Variants in C4orf50 observed in about 807,000 individuals in gnomAD.
C4orf50 encodes the protein chromosome 4 open reading frame 50, also known as uncharacterized protein C4orf50.
A neutral mutation model predicts 77.2 loss-of-function variants in C4orf50; 80 were observed. The ratio of observed to expected loss-of-function variants is 1.04; its 90% CI spans 0.87 to 1.25. The LOEUF is 1.25. Ranked by LOEUF, C4orf50 falls within the 50% of genes most tolerant of loss-of-function variation. The pLI is 0.00. For missense variants in C4orf50, 1,257 were observed against 1,152.9 expected (o/e 1.09, Z -1.31); for synonymous variants, 532 against 465.3 (o/e 1.14, Z -1.84).
intron 7 of C4orf50, among the ~76,000 whole-genome samples, chr4:5,936,547 GGC>G (rs1718022901): frequency 7.4e-6 from 1 of 135,014 alleles, no homozygotes; most frequent in African/African-American, 2.8e-5. Flanking sequence ...GGGCAACAAT[GGC>G]AAGACGCCAT....
At chr4:5,993,979 G>A (rs1721436942) in intron 26 of C4orf50, among the ~76,000 whole-genome samples, 2 of 152,174 alleles carry the variant, frequency 1.3e-5, no homozygotes, top group African/African-American at 4.8e-5. Context: ...GTGTCACCTG[G>A]GAAGTGGGGG....
intron 30 of C4orf50, among the ~76,000 whole-genome samples, chr4:5,974,547 G>C: frequency 6.6e-6 from 1 of 152,170 alleles, no homozygotes; most frequent in East Asian, 1.9e-4. Flanking sequence ...ACGACACTGA[G>C]GCCCCAGAGG....
At chr4:5,906,761 G>A (rs947787401) in intron 7 of C4orf50, among the ~76,000 whole-genome samples, 4 of 152,184 alleles carry the variant, frequency 2.6e-5, no homozygotes, top group African/African-American at 9.7e-5. Flanking sequence ...GTTCGTGTAG[G>A]TGTCTTTAGT....
At chr4:5,988,748 C>G (rs1201921047) in exon 28 of C4orf50, 2 of 1,536,136 alleles carry the variant, frequency 1.3e-6, no homozygotes, top group Non-Finnish European at 8.7e-7. Context: ...ACTTCCCTCT[C>G]CAGGACATGG....
chr4:6,001,692 C>A (rs1721835195), intron 25 of C4orf50, among the ~76,000 whole-genome samples: 1 of 152,220 alleles, frequency 6.6e-6, no homozygotes. Context: ...TAAATATTCA[C>A]CCAGCACCTC....
At chr4:5,955,967 G>A (rs190210535), downstream of C4orf50, among the ~76,000 whole-genome samples, 467 of 152,284 alleles carry the variant, frequency 3.1e-3, 6 homozygotes, top group African/African-American at 0.011. This position sits in a 1 kb window ranked among gnomAD's most constrained non-coding sequence, Gnocchi z 5.1. Context: ...GCGAGGAGTG[G>A]AGTTTGGCCA....
At position 5,919,838 on chromosome 4, in the gene C4orf50, G is replaced by T. The variant is rs1717186382; in HGVS notation, c.*2475-21650C>A. Among the ~76,000 whole-genome samples the T allele has an allele frequency of 6.6e-6, 1 of 152,180 alleles. No individual in the cohort carries two copies. Among genetic ancestry groups the T allele is most frequent in the South Asian group, 2.1e-4 (1 of 4,830 alleles). On this transcript the variant is annotated intron_variant, in intron 7 of 7. Coordinates refer to the C4orf50 transcript ENST00000324058. The surrounding 1 kb of genome is among the most constrained non-coding windows in gnomAD (Gnocchi z 6.5). ...CACCAGAATCAACTCTGAAATAGGG[G>T]TTTCTTCGGGCACAGGTGGCCCTCC... is the stretch of plus-strand genomic sequence containing the variant.
rs528656744 is a variant in C4orf50 at position 6,000,856 on chromosome 4, G to A, written c.964-6380C>T. On this transcript the variant is annotated intron_variant, in intron 25 of 33. Coordinates refer to ENST00000531445, the Ensembl canonical transcript of C4orf50. This position sits in a 1 kb window ranked among gnomAD's most constrained non-coding sequence, Gnocchi z 6.0. Reference sequence around the variant, plus strand: ...CAAATCCTGGTCCCACCATATTACCGTCTGAATTTTCATGTCCCCCCAAAA... The same window carrying A: ...CAAATCCTGGTCCCACCATATTACCATCTGAATTTTCATGTCCCCCCAAAA... 3.9e-5 allele frequency among the ~76,000 whole-genome samples: 6 copies of A among 152,238 alleles called. No homozygotes were observed. Among genetic ancestry groups the A allele is most frequent in the South Asian group, 4.2e-4 (2 of 4,810 alleles).
intron 28 of C4orf50, among the ~76,000 whole-genome samples, chr4:5,982,234 C>G (rs1394840133): frequency 1.3e-5 from 2 of 151,990 alleles, no homozygotes; most frequent in African/African-American, 4.8e-5. Flanking sequence ...TGACTTGGAC[C>G]AGAGCTTCGT....
intron 26 of C4orf50, among the ~76,000 whole-genome samples, 164 bp from the exon 5 acceptor site, chr4:5,993,094 G>A (rs1254407409): frequency 6.7e-6 from 1 of 150,316 alleles, no homozygotes; most frequent in African/African-American, 2.5e-5. Context: ...ACCTTGGTCA[G>A]GGGAGGAAGC....
downstream of C4orf50, among the ~76,000 whole-genome samples, chr4:5,953,596 C>T (rs553058905): frequency 5.3e-5 from 8 of 152,324 alleles, no homozygotes; most frequent in South Asian, 4.1e-4. Flanking sequence ...CATCATCCCA[C>T]GGCAGGACTG....
exon 28 of C4orf50, chr4:5,989,802 C>T: frequency 4.6e-6 from 7 of 1,508,600 alleles, no homozygotes; most frequent in Non-Finnish European, 5.3e-6. Context: ...GGGAGTCAGG[C>T]TCCTCGGGGG....
intron 29 of C4orf50, among the ~76,000 whole-genome samples, chr4:5,978,716 A>AC (rs1484361882): frequency 6.6e-6 from 1 of 152,230 alleles, no homozygotes; most frequent in Non-Finnish European, 1.5e-5. Flanking sequence ...CAATATTGCC[A>AC]CCTTTGGAGC....
chr4:5,931,379 A>C (rs1234476370), intron 7 of C4orf50, among the ~76,000 whole-genome samples: 1 of 152,214 alleles, frequency 6.6e-6, no homozygotes, highest in East Asian at 1.9e-4. Context: ...ACATCTTTGC[A>C]TTTGAACAGA....
chr4:6,011,692 C>G lies in C4orf50; in HGVS notation c.426+138G>C, dbSNP rs763683822. 1 of 397,152 alleles carries G rather than the reference C, an allele frequency of 2.5e-6. No individual in the cohort carries two copies. Among genetic ancestry groups the G allele is most frequent in the Admixed American group, 4.4e-5 (1 of 22,690 alleles). The allele number at this position is 397,152 out of a possible 1,614,324, so 24.6% of individuals were successfully genotyped here. A position where few individuals can be genotyped will look rare whatever the true frequency, so the allele number is the denominator to read the frequency against. ...CCGCAGTCACGCCATGCACCATGAA[C>G]GTAGGATCTCTCTAACCCTCCTGAC... is the stretch of plus-strand genomic sequence containing the variant. On this transcript the variant is annotated intron_variant, in intron 24 of 33. Coordinates refer to ENST00000531445, the Ensembl canonical transcript of C4orf50. This position sits in a 1 kb window ranked among gnomAD's most constrained non-coding sequence, Gnocchi z 4.2.
intron 7 of C4orf50, among the ~76,000 whole-genome samples, chr4:5,934,225 G>A (rs930606588): frequency 2.6e-5 from 4 of 152,052 alleles, no homozygotes; most frequent in South Asian, 4.2e-4. Context: ...AGTGTTTGGC[G>A]GCGACACAGG....
chr4:5,933,846 A>G (rs1717877243), intron 7 of C4orf50, among the ~76,000 whole-genome samples: 1 of 152,118 alleles, frequency 6.6e-6, no homozygotes, highest in African/African-American at 2.4e-5. Flanking sequence ...CCTCCAAGAT[A>G]GAATAAAAGC....
intron 7 of C4orf50, among the ~76,000 whole-genome samples, chr4:5,925,033 T>A (rs1378381840): frequency 6.6e-6 from 1 of 151,188 alleles, no homozygotes; most frequent in African/African-American, 2.4e-5. Context: ...GGGCAGGAGG[T>A]TCGCAGTGGT....
At chr4:5,923,594 G>C (rs1380795497) in intron 7 of C4orf50, among the ~76,000 whole-genome samples, 1 of 152,160 alleles carries the variant, frequency 6.6e-6, no homozygotes, top group East Asian at 1.9e-4. Context: ...GGTAGGGATG[G>C]AGGGGAGAAG....
Sources: allele counts gnomAD v4.1 joint callset (sites outside exome capture counted in the v4.1 genomes callset), GRCh38; gene constraint gnomAD v4.1.1; non-coding constraint Gnocchi (gnomAD v3.1); transcripts MANE v1.5; gene names NCBI Gene and HGNC (gene_info 2026-07-23, HGNC 2026-07-21).